Variants in CSTPP1 observed in about 807,000 individuals in gnomAD.
The protein encoded by CSTPP1 is UPF0705 protein C11orf49.
At chr11:47,116,104 G>A in the CSTPP1 span, among the ~76,000 whole-genome samples, 1 of 152,160 alleles carries the variant, frequency 6.6e-6, no homozygotes, top group East Asian at 1.9e-4. Flanking sequence ...AAGTTGTTCA[G>A]TTTCCATGTA....
the CSTPP1 span, among the ~76,000 whole-genome samples, chr11:47,147,656 A>G: frequency 1.3e-5 from 2 of 152,188 alleles, no homozygotes; most frequent in South Asian, 4.1e-4. Context: ...GAGACAGCAC[A>G]GAGTCCACTC....
chr11:46,939,771 C>T, the CSTPP1 span, among the ~76,000 whole-genome samples: 1 of 152,142 alleles, frequency 6.6e-6, no homozygotes, highest in Non-Finnish European at 1.5e-5. Context: ...TTATTGTTTT[C>T]CTGTGTATCT....
the CSTPP1 span, among the ~76,000 whole-genome samples, chr11:47,133,078 AAAGTC>A: frequency 3.3e-5 from 5 of 152,204 alleles, no homozygotes; most frequent in Admixed American, 6.5e-5. Flanking sequence ...GGAGAGCTTA[AAAGTC>A]AAGTAACTTG....
the CSTPP1 span, among the ~76,000 whole-genome samples, chr11:46,955,970 G>A: frequency 7.1e-6 from 1 of 141,566 alleles, no homozygotes; most frequent in Non-Finnish European, 1.5e-5. Flanking sequence ...CTGGGCGACA[G>A]AGCGAGACTC....
the CSTPP1 span, among the ~76,000 whole-genome samples, chr11:47,066,327 C>A: frequency 6.6e-6 from 1 of 151,688 alleles, no homozygotes; most frequent in African/African-American, 2.4e-5. Context: ...GAAATTTGCA[C>A]ATTCTCCCCA....
At chr11:47,050,663 T>C in the CSTPP1 span, among the ~76,000 whole-genome samples, 1 of 152,214 alleles carries the variant, frequency 6.6e-6, no homozygotes, top group Non-Finnish European at 1.5e-5. Flanking sequence ...GCTGGACAGT[T>C]TCATAAATTT....
the CSTPP1 span, among the ~76,000 whole-genome samples, chr11:47,016,531 G>T: frequency 6.6e-6 from 1 of 151,926 alleles, no homozygotes; most frequent in African/African-American, 2.4e-5. Flanking sequence ...TAAAAGCAGT[G>T]TCATTTACAA....
the CSTPP1 span, among the ~76,000 whole-genome samples, chr11:47,064,837 T>G: frequency 1.2e-4 from 18 of 152,200 alleles, no homozygotes; most frequent in African/African-American, 4.3e-4. Flanking sequence ...CTCCACCTCC[T>G]GGGTTCAAGC....
the CSTPP1 span, among the ~76,000 whole-genome samples, chr11:47,029,527 T>G: frequency 2.6e-5 from 4 of 151,676 alleles, no homozygotes; most frequent in African/African-American, 9.7e-5. Context: ...CAGAATCTCT[T>G]GAACCTGAGA....
chr11:47,113,208 T>C, the CSTPP1 span, among the ~76,000 whole-genome samples: 1 of 152,256 alleles, frequency 6.6e-6, no homozygotes, highest in Non-Finnish European at 1.5e-5. Context: ...CCATGGTGTA[T>C]ATGTGCCACA....
At chr11:47,132,525 A>C in the CSTPP1 span, among the ~76,000 whole-genome samples, 1 of 152,204 alleles carries the variant, frequency 6.6e-6, no homozygotes, top group African/African-American at 2.4e-5. Flanking sequence ...TAGGTACTGT[A>C]GTTCTTACAC....
the CSTPP1 span, among the ~76,000 whole-genome samples, chr11:46,954,697 T>A: frequency 4.6e-4 from 70 of 152,122 alleles, no homozygotes; most frequent in Middle Eastern, 6.8e-3. Flanking sequence ...TACAGAATTT[T>A]AAAAATCAAA....
the CSTPP1 span, among the ~76,000 whole-genome samples, chr11:46,989,541 T>A: frequency 6.6e-6 from 1 of 152,162 alleles, no homozygotes; most frequent in African/African-American, 2.4e-5. Context: ...CCTCAAGTAA[T>A]CCTCTCACCT....
the CSTPP1 span, among the ~76,000 whole-genome samples, chr11:47,159,442 G>A: frequency 1.2e-4 from 18 of 152,156 alleles, no homozygotes; most frequent in Non-Finnish European, 2.5e-4. Context: ...CCCAGAAGGC[G>A]GAGGTTGCGG....
chr11:47,150,918 G>A, the CSTPP1 span, among the ~76,000 whole-genome samples: 2 of 125,640 alleles, frequency 1.6e-5, no homozygotes, highest in Non-Finnish European at 3.2e-5. Flanking sequence ...ATGGAGTCTT[G>A]CTCTGTCATC....
chr11:47,003,422 G>A, the CSTPP1 span, among the ~76,000 whole-genome samples: 1 of 152,178 alleles, frequency 6.6e-6, no homozygotes, highest in South Asian at 2.1e-4. Flanking sequence ...CTTCTTCCCT[G>A]AGAAAAGTGA....
At chr11:46,939,592 C>A in the CSTPP1 span, among the ~76,000 whole-genome samples, 124 of 151,484 alleles carry the variant, frequency 8.2e-4, 1 homozygote, top group Non-Finnish European at 1.5e-3. Flanking sequence ...GAGTTCAAGA[C>A]CAGACTGGAT....
At chr11:47,126,304 C>T in the CSTPP1 span, among the ~76,000 whole-genome samples, 1 of 152,068 alleles carries the variant, frequency 6.6e-6, no homozygotes, top group African/African-American at 2.4e-5. Context: ...GATGGAATAG[C>T]TAGTGGGAGA....
At chr11:46,965,895 A>G in the CSTPP1 span, among the ~76,000 whole-genome samples, 1 of 152,238 alleles carries the variant, frequency 6.6e-6, no homozygotes, top group East Asian at 1.9e-4. Context: ...GTCTATGTGC[A>G]CTACGAAAGG....
Sources: allele counts gnomAD v4.1 joint callset (sites outside exome capture counted in the v4.1 genomes callset), GRCh38; gene constraint gnomAD v4.1.1; transcripts MANE v1.5; gene names NCBI Gene and HGNC (gene_info 2026-07-23, HGNC 2026-07-21).